Variants in SV2C observed in about 807,000 individuals in gnomAD.
SV2C encodes synaptic vesicle glycoprotein 2C, also known as solute carrier family 22 member B3.
Under a neutral mutation model 79.7 loss-of-function variants are expected in SV2C, and 49 were observed. The observed-to-expected ratio is 0.61, with a 90% CI of 0.49 to 0.78. The LOEUF (loss-of-function observed/expected upper bound fraction) is 0.78. Among genes scored for constraint, SV2C ranks in the 30% least tolerant of loss-of-function variants. The pLI is 0.00. For synonymous variants in SV2C, 334 were observed against 333.2 expected (o/e 1.00, Z -0.03); for missense variants, 833 against 912.9 (o/e 0.91, Z 1.13).
At chr5:75,882,214 G>A in the SV2C span, among the ~76,000 whole-genome samples, 1 of 151,462 alleles carries the variant, frequency 6.6e-6, no homozygotes, top group African/African-American at 2.4e-5. Flanking sequence ...ATTTTATTGA[G>A]GATTTTTGCA....
chr5:76,013,191 T>G, the SV2C span, among the ~76,000 whole-genome samples: 1 of 152,204 alleles, frequency 6.6e-6, no homozygotes, highest in Non-Finnish European at 1.5e-5. Context: ...ATAAATTACT[T>G]TAGGCAGTAT....
intron 2 of SV2C, among the ~76,000 whole-genome samples, chr5:76,135,948 T>C (rs1056193355): frequency 1.3e-5 from 2 of 152,182 alleles, no homozygotes; most frequent in African/African-American, 4.8e-5. Context: ...ACCTCTTCCC[T>C]TGCATCAGAG....
At chr5:76,261,771 C>G (rs1291255202) in intron 4 of SV2C, among the ~76,000 whole-genome samples, 4 of 152,156 alleles carry the variant, frequency 2.6e-5, no homozygotes, top group Non-Finnish European at 5.9e-5. Context: ...GTTGAACCAG[C>G]CTTGCTTCTC....
intron 4 of SV2C, among the ~76,000 whole-genome samples, chr5:76,235,279 G>A (rs11959133): frequency 0.12 from 17,783 of 151,696 alleles, 3,021 homozygotes; most frequent in African/African-American, 0.38. Context: ...TTAGTAAAAT[G>A]CAGAAATGCC....
chr5:76,306,643 C>CAAA (rs1197830997), intron 12 of SV2C, among the ~76,000 whole-genome samples: 5 of 152,018 alleles, frequency 3.3e-5, no homozygotes, highest in Non-Finnish European at 7.4e-5. Flanking sequence ...CTGGGTAAAA[C>CAAA]AAAATGTGAA....
At chr5:75,900,003 G>T in the SV2C span, among the ~76,000 whole-genome samples, 3,102 of 152,222 alleles carry the variant, frequency 0.02, 114 homozygotes, top group African/African-American at 0.071. Flanking sequence ...ACACTGATGG[G>T]TCTTGACTCT....
chr5:75,991,331 T>G, the SV2C span, among the ~76,000 whole-genome samples: 5 of 151,672 alleles, frequency 3.3e-5, no homozygotes, highest in African/African-American at 1.2e-4. Context: ...AATTTTGAGT[T>G]TTAAAAATTA....
chr5:75,930,791 T>G, the SV2C span, among the ~76,000 whole-genome samples: 1 of 152,216 alleles, frequency 6.6e-6, no homozygotes, highest in Non-Finnish European at 1.5e-5. Flanking sequence ...ACGTTAGATC[T>G]TTTATGGGCC....
chr5:76,324,570 A>G (rs1346893604), intron 12 of SV2C, among the ~76,000 whole-genome samples: 2 of 152,022 alleles, frequency 1.3e-5, no homozygotes, highest in South Asian at 2.1e-4. Flanking sequence ...CCTGCAGGGT[A>G]TAGTGGCTCA....
chr5:75,853,607 CAAAAAAA>C, the SV2C span, among the ~76,000 whole-genome samples: 679 of 28,496 alleles, frequency 0.024, 6 homozygotes, highest in Non-Finnish European at 0.028. Context: ...GACTCCGTCT[CAAAAAAA>C]AAAAAAAAAA....
Position 76,300,781 on chromosome 5 carries a change from T to C in SV2C, c.1689T>C (p.Phe563=), listed in dbSNP as rs1214833848. 7 of 1,614,058 alleles carry C rather than the reference T, an allele frequency of 4.3e-6. No individual in the cohort carries two copies. The highest frequency in any genetic ancestry group is 5.9e-6 in the Non-Finnish European group (7 of 1,179,992). ...IDSEFKNCSF[F]HNKTGCQITF... ...GTGAATTTAAAAACTGCTCGTTTTT[T>C]CACAACAAGACGGGATGTCAGATTA... Residue 563 remains phenylalanine, a synonymous_variant, in exon 11 of 13, where the codon TTT becomes TTC. Transcript: ENST00000502798.
the SV2C span, among the ~76,000 whole-genome samples, chr5:76,044,226 C>A: frequency 2.0e-5 from 3 of 152,198 alleles, no homozygotes; most frequent in Non-Finnish European, 4.4e-5. Context: ...CATATCCCTG[C>A]AAAGGACATT....
At chr5:76,342,445 G>T (rs1749460214) in intron 12 of SV2C, among the ~76,000 whole-genome samples, 1 of 152,206 alleles carries the variant, frequency 6.6e-6, no homozygotes, top group Admixed American at 6.5e-5. Context: ...AACGGTGGTG[G>T]AGAAAATGAA....
intron 4 of SV2C, among the ~76,000 whole-genome samples, chr5:76,269,404 A>T (rs1746771301): frequency 6.6e-6 from 1 of 152,244 alleles, no homozygotes; most frequent in South Asian, 2.1e-4. Context: ...ACGAATTTTT[A>T]TCAGATGTAA....
At chr5:75,878,829 T>C in the SV2C span, among the ~76,000 whole-genome samples, 1 of 152,028 alleles carries the variant, frequency 6.6e-6, no homozygotes, top group East Asian at 1.9e-4. Flanking sequence ...CTATAAAACA[T>C]ATCTGAGGCT....
upstream of SV2C, chr5:76,083,224 G>C (rs1053458276): frequency 6.5e-4 from 99 of 152,572 alleles, no homozygotes; most frequent in African/African-American, 1.9e-3. Flanking sequence ...CCCGCGCGCC[G>C]TGACTCCCTG....
chr5:76,034,298 T>C, the SV2C span, among the ~76,000 whole-genome samples: 1 of 151,998 alleles, frequency 6.6e-6, no homozygotes, highest in African/African-American at 2.4e-5. Context: ...GAATAGGAGT[T>C]GTGAGAGAGG....
the SV2C span, among the ~76,000 whole-genome samples, chr5:75,877,298 A>G: frequency 6.6e-6 from 1 of 152,100 alleles, no homozygotes; most frequent in Non-Finnish European, 1.5e-5. Flanking sequence ...TATGAAGCAA[A>G]TAAAGAGAGA....
At chr5:75,999,477 G>T in the SV2C span, among the ~76,000 whole-genome samples, 2 of 152,054 alleles carry the variant, frequency 1.3e-5, no homozygotes, top group South Asian at 2.1e-4. Flanking sequence ...CCATGGGCAG[G>T]TTGGAGCCCC....
Sources: gnomAD v4.1 joint callset for allele counts (sites outside exome capture counted in the v4.1 genomes callset) on GRCh38, gnomAD v4.1.1 for gene constraint, MANE v1.5 for transcripts, NCBI Gene and HGNC (gene_info 2026-07-23, HGNC 2026-07-21) for gene names.